The following RBFOX1 variants were observed in gnomAD, a reference collection of about 807,000 sequenced individuals.
RBFOX1 encodes the protein RNA binding protein fox-1 homolog 1.
RBFOX1 carries 8 observed loss-of-function variants against 57.7 expected under a neutral mutation model. The observed-to-expected ratio is 0.14, with a 90% CI of 0.08 to 0.25. The LOEUF (loss-of-function observed/expected upper bound fraction) is 0.25, where lower values mean the gene tolerates loss of function less well. Ranked by LOEUF, RBFOX1 falls within the 10% of genes least tolerant of loss-of-function variation. The pLI, the probability that RBFOX1 is intolerant of heterozygous loss-of-function variation, is 1.00. For synonymous variants in RBFOX1, 326 were observed against 222.4 expected (o/e 1.47, Z -4.15); for missense variants, 611 against 548.5 (o/e 1.11, Z -1.14).
At chr16:5,776,717 A>C (rs2054161624) in intron 3 of RBFOX1, among the ~76,000 whole-genome samples, 1 of 152,240 alleles carries the variant, frequency 6.6e-6, no homozygotes, top group Non-Finnish European at 1.5e-5. Flanking sequence ...CAACCCAGAC[A>C]GTCTGCCTCC....
intron 4 of RBFOX1, among the ~76,000 whole-genome samples, chr16:7,475,217 A>C (rs114035629): frequency 0.014 from 2,068 of 152,162 alleles, 48 homozygotes; most frequent in African/African-American, 0.046. Context: ...TTATTGAAGA[A>C]CAAAAGGGAG....
At chr16:6,634,966 A>G (rs1286668684) in intron 2 of RBFOX1, among the ~76,000 whole-genome samples, 3 of 141,478 alleles carry the variant, frequency 2.1e-5, no homozygotes, top group East Asian at 4.1e-4. Flanking sequence ...ATTATTACAT[A>G]TATTATACAT....
At position 5,942,119 on chromosome 16, in the gene RBFOX1, C is replaced by A. The variant is rs191624863; in HGVS notation, c.351+74784C>A. ...GTTCTTCTTGCCTGATGCCCAGGTA[C>A]AGCCAATTTATCTAGACAGGGGGAG... On this transcript the variant is annotated intron_variant, in intron 4 of 19. Coordinates refer to the RBFOX1 transcript ENST00000641259. Among the ~76,000 whole-genome samples the A allele has an allele frequency of 5.9e-3, 898 of 152,210 alleles. 11 individuals are homozygous for A. Among genetic ancestry groups the A allele is most frequent in the African/African-American group, 0.021 (860 of 41,522 alleles).
At chr16:6,568,584 A>C (rs1337184921) in intron 2 of RBFOX1, among the ~76,000 whole-genome samples, 2 of 152,074 alleles carry the variant, frequency 1.3e-5, no homozygotes, top group Non-Finnish European at 2.9e-5. Flanking sequence ...GGCACGAATA[A>C]CAGAAGATGG....
intron 4 of RBFOX1, among the ~76,000 whole-genome samples, chr16:7,517,098 C>T (rs2076517395): frequency 6.7e-6 from 1 of 150,036 alleles, no homozygotes; most frequent in Non-Finnish European, 1.5e-5. Flanking sequence ...TCTCCTGAGA[C>T]CATGGAAAGT....
At chr16:6,558,651 C>G (rs1028414701) in intron 2 of RBFOX1, among the ~76,000 whole-genome samples, 2 of 152,062 alleles carry the variant, frequency 1.3e-5, no homozygotes, top group Admixed American at 6.5e-5. Context: ...CCCTTATAAC[C>G]AAAGATGGCT....
At chr16:5,562,027 T>G (rs2151108935) in intron 2 of RBFOX1, among the ~76,000 whole-genome samples, 1 of 152,260 alleles carries the variant, frequency 6.6e-6, no homozygotes, top group Admixed American at 6.5e-5. Context: ...ACAGGGAAAC[T>G]TGTCTTTTGT....
chr16:6,046,258 A>C (rs975174684), intron 1 of RBFOX1, among the ~76,000 whole-genome samples: 1 of 152,218 alleles, frequency 6.6e-6, no homozygotes, highest in Non-Finnish European at 1.5e-5. Flanking sequence ...TGGCAGTAGG[A>C]ATGGATATAC....
intron 3 of RBFOX1, among the ~76,000 whole-genome samples, chr16:6,741,426 G>C (rs2072073187): frequency 6.6e-6 from 1 of 152,128 alleles, no homozygotes; most frequent in South Asian, 2.1e-4. Flanking sequence ...ACTTTGGGAG[G>C]CTGATAGCAG....
At chr16:5,264,674 T>C (rs2062815208) in intron 1 of RBFOX1, among the ~76,000 whole-genome samples, 1 of 152,162 alleles carries the variant, frequency 6.6e-6, no homozygotes, top group South Asian at 2.1e-4. Context: ...CATTGCCCTG[T>C]GATGGGGGAG....
At chr16:6,936,240 A>G (rs544772912) in intron 3 of RBFOX1, among the ~76,000 whole-genome samples, 3 of 152,328 alleles carry the variant, frequency 2.0e-5, no homozygotes, top group South Asian at 2.1e-4. Flanking sequence ...AAATTAAGGG[A>G]TGCTGGATAT....
intron 1 of RBFOX1, among the ~76,000 whole-genome samples, chr16:6,263,394 G>T (rs1380477519): frequency 6.6e-6 from 1 of 152,186 alleles, no homozygotes; most frequent in East Asian, 1.9e-4. Context: ...GGTATAAAGA[G>T]AGAGGCTCTG....
chr16:5,426,134 AG>A (rs1230434520), intron 1 of RBFOX1, among the ~76,000 whole-genome samples: 1 of 152,156 alleles, frequency 6.6e-6, no homozygotes, highest in Non-Finnish European at 1.5e-5. Context: ...TTTTCCCTAA[AG>A]TGAGTCCATT....
chr16:5,787,013 G>A (rs771191907), intron 3 of RBFOX1, among the ~76,000 whole-genome samples: 2 of 152,192 alleles, frequency 1.3e-5, no homozygotes, highest in African/African-American at 4.8e-5. Flanking sequence ...GCAGATGCCT[G>A]TAATCTCAGC....
intron 2 of RBFOX1, among the ~76,000 whole-genome samples, chr16:6,588,489 C>G (rs750182215): frequency 1.3e-5 from 2 of 151,858 alleles, no homozygotes; most frequent in Non-Finnish European, 1.5e-5. Flanking sequence ...CTCGCATACA[C>G]CAAACATACA....
chr16:7,526,174 C>G (rs140253263), intron 5 of RBFOX1, among the ~76,000 whole-genome samples: 21 of 152,302 alleles, frequency 1.4e-4, no homozygotes, highest in African/African-American at 4.8e-4. Context: ...GCTTGATTAT[C>G]TGAGGTGCAA....
intron 3 of RBFOX1, among the ~76,000 whole-genome samples, chr16:6,767,929 T>TAAGAAGAAGAAGAAG (rs1388686342): frequency 9.0e-5 from 8 of 88,462 alleles, no homozygotes; most frequent in African/African-American, 4.2e-4. Flanking sequence ...ATAATAATAA[T>TAAGAAGAAGAAGAAG]AATAATAATA....
chr16:5,408,280 A>C (rs1049111149), intron 1 of RBFOX1, among the ~76,000 whole-genome samples: 1 of 152,204 alleles, frequency 6.6e-6, no homozygotes, highest in Non-Finnish European at 1.5e-5. Context: ...GAGAGAGATG[A>C]CATGTTTTAA....
intron 3 of RBFOX1, chr16:6,874,022 C>G (rs776979668): frequency 3.9e-5 from 6 of 152,214 alleles, no homozygotes; most frequent in African/African-American, 1.4e-4. Flanking sequence ...AGTAGAAATA[C>G]CTGTTGATCC....
Sources: gnomAD v4.1 joint callset for allele counts (sites outside exome capture counted in the v4.1 genomes callset) on GRCh38, gnomAD v4.1.1 for gene constraint, MANE v1.5 for transcripts, NCBI Gene and HGNC (gene_info 2026-07-23, HGNC 2026-07-21) for gene names.